CEP85L: variants seen among roughly 807,000 people sequenced by gnomAD.
CEP85L encodes the protein centrosomal protein of 85 kDa-like.
A neutral mutation model predicts 100.3 loss-of-function variants in CEP85L; 60 were observed. The ratio of observed to expected loss-of-function variants is 0.60; its 90% CI spans 0.49 to 0.74. The LOEUF (loss-of-function observed/expected upper bound fraction) is 0.74. Ranked by LOEUF, CEP85L falls within the 30% of genes least tolerant of loss-of-function variation. The pLI is 0.00. For missense variants in CEP85L, 973 were observed against 936.2 expected (o/e 1.04, Z -0.51); for synonymous variants, 319 against 322.7 (o/e 0.99, Z 0.12).
In CEP85L at chr6:118,469,288, C is replaced by G. The variant is rs780174451; in HGVS notation, c.2038G>C (p.Asp680His). 15 of 1,613,560 alleles carry G rather than the reference C, an allele frequency of 9.3e-6. 1 individual carries two copies. The South Asian group carries it at 1.3e-4, about 14-fold the overall frequency. ...KALLENQRQT[D>H]ETCSLLDQGQ... is the part of the protein sequence containing the mutation. Reference sequence around the variant, plus strand: ...TGATCCAATAAAGAGCATGTCTCATCTGTTTGTCTTTGGTTCTGCAAGGAT... The same window carrying G: ...TGATCCAATAAAGAGCATGTCTCATGTGTTTGTCTTTGGTTCTGCAAGGAT... Residue 680 changes from aspartate (D) to histidine (H), a missense_variant, in exon 12 of 13, where the codon GAT becomes CAT. Coordinates refer to ENST00000368491, the MANE Select transcript of CEP85L (RefSeq NM_001042475.3).
chr6:118,541,982 G>C (rs6929390), intron 3 of CEP85L, among the ~76,000 whole-genome samples: 107,792 of 152,024 alleles, frequency 0.71, 38,930 homozygotes, highest in African/African-American at 0.75. Context: ...AGCCTGATCA[G>C]CCTTACATGA....
rs765749358 is a variant in CEP85L at position 118,670,219 on chromosome 6, CT to C, written c.-27-17412del. On this transcript the variant is annotated intron_variant, in intron 1 of 13. Coordinates refer to the CEP85L transcript ENST00000368488. ...TTAGTAGATGTGATGCAAGCAGAGG[CT>C]TTTTTTTTTTTTTAACTTTTATTTT... Among the ~76,000 whole-genome samples, 1,053 of 133,810 alleles carry C rather than the reference CT, an allele frequency of 7.9e-3. 3 individuals are homozygous for C. Among genetic ancestry groups the C allele is most frequent in the African/African-American group, 0.014 (518 of 36,548 alleles). The allele number at this position is 133,810 out of a possible 152,430, so 87.8% of individuals were successfully genotyped here.
At chr6:118,696,831 G>A (rs1562364335) in intron 1 of CEP85L, among the ~76,000 whole-genome samples, 1 of 152,140 alleles carries the variant, frequency 6.6e-6, no homozygotes, top group Non-Finnish European at 1.5e-5. Flanking sequence ...TAGTTGATTA[G>A]ATAGCTCAAC....
At chr6:118,600,372 A>T (rs770109935) in intron 2 of CEP85L, among the ~76,000 whole-genome samples, 29 of 62,790 alleles carry the variant, frequency 4.6e-4, no homozygotes, top group African/African-American at 1.7e-3. Flanking sequence ...TGTGTGTGTA[A>T]CGCCATGGAG....
chr6:118,515,722 T>C (rs1010442311), intron 4 of CEP85L, among the ~76,000 whole-genome samples: 1 of 152,134 alleles, frequency 6.6e-6, no homozygotes, highest in African/African-American at 2.4e-5. Flanking sequence ...AAATTAAAAT[T>C]TGTAAGATAT....
chr6:118,546,693 G>C (rs148999360), intron 3 of CEP85L, among the ~76,000 whole-genome samples: 10 of 152,172 alleles, frequency 6.6e-5, no homozygotes, highest in African/African-American at 2.4e-4. Context: ...TTAGCAGCTG[G>C]TTATCTCTGA....
At chr6:118,692,239 T>C (rs11755295) in intron 1 of CEP85L, among the ~76,000 whole-genome samples, 15,061 of 152,234 alleles carry the variant, frequency 0.099, 949 homozygotes, top group East Asian at 0.22. Flanking sequence ...CAATATATGT[T>C]AGAGTATTTT....
At chr6:118,617,486 CG>C (rs1371446880) in intron 2 of CEP85L, among the ~76,000 whole-genome samples, 1 of 152,130 alleles carries the variant, frequency 6.6e-6, no homozygotes, top group Non-Finnish European at 1.5e-5. Flanking sequence ...AAGCGTAAGT[CG>C]CAATTTCAGT....
chr6:118,639,788 C>T (rs1203821223), intron 1 of CEP85L, among the ~76,000 whole-genome samples: 1 of 152,160 alleles, frequency 6.6e-6, no homozygotes, highest in Non-Finnish European at 1.5e-5. Context: ...CACTGGATAC[C>T]TAACAAATGT....
At chr6:118,491,196 T>TACACAC (rs1160030823) in intron 6 of CEP85L, among the ~76,000 whole-genome samples, 6,445 of 116,120 alleles carry the variant, frequency 0.056, 141 homozygotes, top group Non-Finnish European at 0.062. Flanking sequence ...CCAACATCTA[T>TACACAC]ACACACACAC....
At chr6:118,596,502 T>C (rs888437282) in intron 2 of CEP85L, among the ~76,000 whole-genome samples, 1 of 152,036 alleles carries the variant, frequency 6.6e-6, no homozygotes, top group East Asian at 1.9e-4. Flanking sequence ...AAATTAAAAA[T>C]CATGAAAACT....
At chr6:118,682,221 T>A (rs972760987) in intron 1 of CEP85L, among the ~76,000 whole-genome samples, 2 of 152,218 alleles carry the variant, frequency 1.3e-5, no homozygotes, top group African/African-American at 4.8e-5. Flanking sequence ...AAATTCACTT[T>A]AAAATTATTA....
At chr6:118,555,179 C>A (rs1364940209) in intron 3 of CEP85L, among the ~76,000 whole-genome samples, 1 of 152,190 alleles carries the variant, frequency 6.6e-6, no homozygotes, top group Non-Finnish European at 1.5e-5. Flanking sequence ...CGCCTGCAAT[C>A]CCAGCACTTT....
At chr6:118,621,022 C>G (rs369537574) in intron 2 of CEP85L, among the ~76,000 whole-genome samples, 19 of 152,244 alleles carry the variant, frequency 1.2e-4, no homozygotes, top group African/African-American at 4.6e-4. Context: ...AATGGAAGGA[C>G]AATTCGGTAG....
At chr6:118,469,408 A>G in intron 11 of CEP85L, 105 bp from the exon 12 acceptor site, 2 of 819,188 alleles carry the variant, frequency 2.4e-6, no homozygotes, top group South Asian at 3.3e-5. Context: ...AAAACGATGG[A>G]GTCATATTAT....
chr6:118,665,496 C>G (rs1256583057), intron 1 of CEP85L, among the ~76,000 whole-genome samples: 3 of 151,972 alleles, frequency 2.0e-5, no homozygotes, highest in African/African-American at 4.8e-5. Flanking sequence ...GTAGCTGGGA[C>G]TACAGGTGTG....
intron 2 of CEP85L, among the ~76,000 whole-genome samples, chr6:118,628,401 G>A (rs1167311628): frequency 1.3e-5 from 2 of 152,062 alleles, no homozygotes; most frequent in African/African-American, 2.4e-5. Flanking sequence ...TACTCTAATA[G>A]AAATGAAGAA....
intron 2 of CEP85L, among the ~76,000 whole-genome samples, chr6:118,569,877 A>T (rs1395980880): frequency 6.6e-6 from 1 of 152,130 alleles, no homozygotes; most frequent in East Asian, 1.9e-4. Context: ...TATATTTTTT[A>T]AAAATCCTCA....
intron 2 of CEP85L, among the ~76,000 whole-genome samples, chr6:118,580,973 C>G (rs1206347350): frequency 2.6e-5 from 4 of 152,196 alleles, no homozygotes; most frequent in African/African-American, 9.6e-5. Flanking sequence ...CTCTCTACCG[C>G]TTGTCTGAGG....
Sources: gnomAD v4.1 joint callset for allele counts (sites outside exome capture counted in the v4.1 genomes callset) on GRCh38, gnomAD v4.1.1 for gene constraint, MANE v1.5 for transcripts, NCBI Gene and HGNC (gene_info 2026-07-23, HGNC 2026-07-21) for gene names.